AARSD1: variants seen among roughly 807,000 people sequenced by gnomAD.
The protein encoded by AARSD1 is alanyl-tRNA editing protein Aarsd1.
In AARSD1, 44 loss-of-function variants were observed where a neutral mutation model predicts 48.7. The observed-to-expected ratio is 0.90, with a 90% CI of 0.71 to 1.16. The LOEUF (loss-of-function observed/expected upper bound fraction) is 1.16, where lower values mean the gene tolerates loss of function less well. AARSD1 is among the 50% of genes most tolerant of loss of function. The pLI, the probability that AARSD1 is intolerant of heterozygous loss-of-function variation, is 0.00. For synonymous variants in AARSD1, 189 were observed against 194.9 expected, an observed-to-expected ratio of 0.97 and a Z score of 0.25; for missense variants, 511 against 523.1, an observed-to-expected ratio of 0.98 and a Z score of 0.23.
In AARSD1 at chr17:42,951,749, T is replaced by C. The variant is rs1309509718; in HGVS notation, c.1103+51A>G. 18 of 1,583,816 alleles carry C rather than the reference T, an allele frequency of 1.1e-5. No individual in the cohort carries two copies. The South Asian group carries it at 1.7e-4, about 15-fold the overall frequency. On this transcript the variant is annotated intron_variant, in intron 11 of 11. Transcript: ENST00000427569. ...CCTTTGACTCAGTAAAGGAATGTAT[T>C]TGTAGGATACAGGCTCTACTACATG...
intron 2 of AARSD1, 40 bp from the exon 3 acceptor site, chr17:42,961,391 G>A (rs188709701): frequency 2.0e-4 from 317 of 1,612,706 alleles, no homozygotes; most frequent in Non-Finnish European, 2.5e-4. Flanking sequence ...GCAAGGCAGG[G>A]CTCACCCTAA....
Position 42,958,481 on chromosome 17 carries a change from G to C in AARSD1, c.332-1286C>G, listed in dbSNP as rs192568720. Among the ~76,000 whole-genome samples the C allele has an allele frequency of 7.2e-3, 1,088 of 151,456 alleles. 5 individuals are homozygous for C. The highest frequency in any genetic ancestry group is 0.02 in the Middle Eastern group (6 of 294). ...CACTCCAGCCTGGGCAACAAAGTGAGACTCTGTCTCAAAAAAAAATAAAAA... is the reference window on the plus strand; with the variant it reads ...CACTCCAGCCTGGGCAACAAAGTGACACTCTGTCTCAAAAAAAAATAAAAA... On this transcript the variant is annotated intron_variant, in intron 3 of 11. Transcript: ENST00000427569.
chr17:42,954,698 G>A (rs907231702), intron 9 of AARSD1, among the ~76,000 whole-genome samples, 178 bp downstream of exon 9: 1 of 152,200 alleles, frequency 6.6e-6, no homozygotes, highest in African/African-American at 2.4e-5. Context: ...CTCCCAAAGT[G>A]CTGGGATTAC....
chr17:42,956,947 G>C (rs1203785623), intron 4 of AARSD1, among the ~76,000 whole-genome samples, 191 bp downstream of exon 4: 1 of 139,174 alleles, frequency 7.2e-6, no homozygotes, highest in Non-Finnish European at 1.5e-5. Context: ...GATTACAAGC[G>C]TGAGCCACTG....
intron 9 of AARSD1, among the ~76,000 whole-genome samples, chr17:42,954,500 T>G (rs561001612): frequency 6.6e-6 from 1 of 151,990 alleles, no homozygotes; most frequent in Admixed American, 6.6e-5. Flanking sequence ...TGTGGCGTGA[T>G]CTCCACTCAC....
At chr17:42,955,434 A>ATTT in intron 7 of AARSD1, 1 of 405,860 alleles carries the variant, frequency 2.5e-6, no homozygotes, top group Non-Finnish European at 4.3e-6. Flanking sequence ...AAAGCACTTG[A>ATTT]TCTTTTTTTT....
chr17:42,961,060 T>C (rs2151943154), intron 3 of AARSD1, 132 bp downstream of exon 3: 1 of 1,402,186 alleles, frequency 7.1e-7, no homozygotes, highest in East Asian at 2.5e-5. Context: ...CTTCCTGAAT[T>C]ACAGCTGATT....
In AARSD1 at chr17:42,950,762, A is replaced by G. The variant is rs756091319; in HGVS notation, c.1104-34T>C. Reference sequence around the variant, plus strand: ...CAGAGGTATAGTCAGGGAGACTTTGAGGGAAAAGTCACAAAAAAAAACAAG... The same window carrying G: ...CAGAGGTATAGTCAGGGAGACTTTGGGGGAAAAGTCACAAAAAAAAACAAG... On this transcript the variant is annotated intron_variant, in intron 11 of 11. Transcript: ENST00000427569. The G allele has an allele frequency of 3.2e-6, 5 of 1,578,594 alleles. No individual in the cohort carries two copies. In the East Asian group the frequency reaches 1.1e-4, roughly 36 times the overall value.
At position 42,957,173 on chromosome 17, in the gene AARSD1, A is replaced by C. The variant is rs202024111; in HGVS notation, c.354T>G (p.Val118=). Residue 118 remains valine (V), a synonymous_variant, in exon 4 of 12, where the codon GTT becomes GTG. Coordinates refer to ENST00000427569, the MANE Select transcript of AARSD1 (RefSeq NM_001261434.2). ...QHSGQHLITA[V]ADHLFKLKTT... is the part of the protein sequence containing the mutation. Reference sequence around the variant, plus strand: ...TCTTCAGCTTAAATAGATGGTCAGCAACTGCCGTGATGAGATGCTGCCCTA... The same window carrying C: ...TCTTCAGCTTAAATAGATGGTCAGCCACTGCCGTGATGAGATGCTGCCCTA... The C allele has an allele frequency of 6.9e-5, 112 of 1,613,802 alleles. No individual in the cohort carries two copies. Among genetic ancestry groups the C allele is most frequent in the Non-Finnish European group, 9.2e-5 (109 of 1,179,932 alleles).
Position 42,964,414 on chromosome 17 carries a change from A to C in AARSD1, c.27T>G (p.Ser9Arg), listed in dbSNP as rs1447178587. 3 of 1,551,168 alleles carry C rather than the reference A, an allele frequency of 1.9e-6. No homozygotes were observed. The South Asian group carries it at 3.6e-5, about 18-fold the overall frequency. The change falls in exon 1 of 12, where the codon AGT becomes AGG. Residue 9 changes from serine (S) to arginine (R), a missense_variant. Coordinates refer to ENST00000427569, the MANE Select transcript of AARSD1 (RefSeq NM_001261434.2). ...CGTGACGCCGTACCTCTCGGGCATA[A>C]CTGTCACGCTGACACCAGAACGCCA... The part of the protein sequence containing the change: MAFWCQRD[S>R]YAREFTTTVV...
intron 9 of AARSD1, among the ~76,000 whole-genome samples, chr17:42,954,642 C>T (rs1436038892): frequency 6.6e-6 from 1 of 152,058 alleles, no homozygotes; most frequent in Non-Finnish European, 1.5e-5. Context: ...ACCATGCTGG[C>T]CAGGCTGGTT....
intron 4 of AARSD1, among the ~76,000 whole-genome samples, chr17:42,956,889 G>A (rs541412254): frequency 4.4e-4 from 65 of 146,790 alleles, no homozygotes; most frequent in Non-Finnish European, 7.5e-4. Context: ...GGATGGTCTC[G>A]ATCTCCTGAC....
chr17:42,952,914 A>C (rs1354697772), intron 10 of AARSD1, among the ~76,000 whole-genome samples: 1 of 151,764 alleles, frequency 6.6e-6, no homozygotes, highest in Admixed American at 6.6e-5. Flanking sequence ...CCAGGGTTCA[A>C]GCAATTCTCC....
At position 42,954,025 on chromosome 17, in the gene AARSD1, CTGTT is replaced by C. The variant is rs1203178457; in HGVS notation, c.954-251_954-248del. 5.6e-6 allele frequency: 3 copies of C among 532,498 alleles called. No individual in the cohort carries two copies. In the African/African-American group the frequency reaches 5.7e-5, roughly 10 times the overall value. The allele number at this position is 532,498 out of a possible 1,614,324, so 33.0% of individuals were successfully genotyped here. ...AGGATTCACCAGGATAAGCAGAAAT[CTGTT>C]AGAGAGTAAAGGAGGTAGGGGACAG... On this transcript the variant is annotated intron_variant, in intron 9 of 11. Coordinates refer to ENST00000427569, the MANE Select transcript of AARSD1 (RefSeq NM_001261434.2).
intron 2 of AARSD1, among the ~76,000 whole-genome samples, chr17:42,963,436 G>T (rs774690251): frequency 5.9e-5 from 9 of 151,502 alleles, no homozygotes; most frequent in African/African-American, 1.9e-4. Context: ...GAAAAGAAAA[G>T]AAAGAAAAGC....
intron 5 of AARSD1, 31 bp downstream of exon 5, chr17:42,956,373 G>A (rs376824339): frequency 4.5e-5 from 73 of 1,613,914 alleles, no homozygotes; most frequent in African/African-American, 1.7e-4. Context: ...GAATCATTCC[G>A]CAGAAACCAT....
intron 3 of AARSD1, among the ~76,000 whole-genome samples, chr17:42,958,330 G>A (rs1176157986): frequency 4.6e-5 from 7 of 151,700 alleles, no homozygotes; most frequent in Non-Finnish European, 1.0e-4. Context: ...GTGAAACCTC[G>A]TCTCTACTAA....
intron 9 of AARSD1, 49 bp downstream of exon 9, chr17:42,954,827 T>C (rs2049524713): frequency 6.2e-7 from 1 of 1,602,718 alleles, no homozygotes; most frequent in Non-Finnish European, 8.5e-7. Context: ...CACTGAGCCC[T>C]AAGCCCAACA....
At chr17:42,953,225 C>T (rs556206934) in intron 10 of AARSD1, among the ~76,000 whole-genome samples, 2 of 152,142 alleles carry the variant, frequency 1.3e-5, no homozygotes, top group South Asian at 4.2e-4. Context: ...GGCAATCCAC[C>T]CGCCTCAGCC....
Sources: allele counts gnomAD v4.1 joint callset (sites outside exome capture counted in the v4.1 genomes callset), GRCh38; gene constraint gnomAD v4.1.1; transcripts MANE v1.5; gene names NCBI Gene and HGNC (gene_info 2026-07-23, HGNC 2026-07-21).